Variants in ST18 observed in about 807,000 individuals in gnomAD.
ST18 encodes ST18 C2H2C-type zinc finger transcription factor.
ST18 carries 50 observed loss-of-function variants against 110.0 expected under a neutral mutation model. That is an observed-to-expected ratio of 0.45 (90% CI 0.36 to 0.58). The LOEUF (loss-of-function observed/expected upper bound fraction) is 0.58, where lower values mean the gene tolerates loss of function less well. Among genes scored for constraint, ST18 ranks in the 20% least tolerant of loss-of-function variants. The probability of loss-of-function intolerance (pLI) is 0.00; values close to 1 mark genes in which losing one functional copy is unlikely to be tolerated. For missense variants in ST18, 1,306 were observed against 1,280.1 expected (o/e 1.02, Z -0.31); for synonymous variants, 461 against 452.4 (o/e 1.02, Z -0.24).
chr8:52,168,256 G>GATGCT (rs1187936055), intron 10 of ST18, among the ~76,000 whole-genome samples: 1 of 148,696 alleles, frequency 6.7e-6, no homozygotes, highest in East Asian at 2.0e-4. Flanking sequence ...GAGCACACTA[G>GATGCT]ATGCTGATAG....
chr8:52,327,569 G>GTAGA (rs775833569), intron 2 of ST18, among the ~76,000 whole-genome samples: 17 of 152,168 alleles, frequency 1.1e-4, no homozygotes, highest in Admixed American at 4.6e-4. Context: ...TCATTCTGTG[G>GTAGA]TAGAGCACCA....
At chr8:52,271,800 A>G (rs1285070419) in intron 2 of ST18, among the ~76,000 whole-genome samples, 1 of 152,258 alleles carries the variant, frequency 6.6e-6, no homozygotes, top group African/African-American at 2.4e-5. Context: ...TTTGTGGATT[A>G]CACAGACAAA....
At position 52,313,491 on chromosome 8, in the gene ST18, G is replaced by T. The variant is rs2095961016; in HGVS notation, c.-464-83414C>A. On this transcript the variant is annotated intron_variant, in intron 2 of 25. Coordinates refer to ENST00000689386, the MANE Select transcript of ST18 (RefSeq NM_001352837.2). ...GAAAGCTTATGACAGTATGTCCAAT[G>T]CTGGGCCATTCTGAGTGCCTCTAGA... 3 of 164,358 alleles carry T rather than the reference G, an allele frequency of 1.8e-5. No homozygotes were observed. The South Asian group carries it at 4.8e-4, about 26-fold the overall frequency. 10.2% of individuals were successfully genotyped at this position (164,358 alleles called of 1,614,324 possible). A position where few individuals can be genotyped will look rare whatever the true frequency, so the allele number is the denominator to read the frequency against.
chr8:52,328,715 T>C (rs946168032), intron 2 of ST18, among the ~76,000 whole-genome samples: 1 of 152,186 alleles, frequency 6.6e-6, no homozygotes, highest in African/African-American at 2.4e-5. Flanking sequence ...TGATAATAAT[T>C]TAGAAAATTA....
rs796318325 is a variant in ST18 at position 52,235,193 on chromosome 8, TA to T, written c.-464-5117del. On this transcript the variant is annotated intron_variant, in intron 2 of 25. Coordinates refer to ENST00000689386, the MANE Select transcript of ST18 (RefSeq NM_001352837.2). Reference sequence around the variant, plus strand: ...CTTAAAAATGAATAAAAATAAAAAATAAAAAAAAGAATGCTCCTTAAAGGAA... The same window carrying T: ...CTTAAAAATGAATAAAAATAAAAAATAAAAAAAGAATGCTCCTTAAAGGAA... Among the ~76,000 whole-genome samples, 8 of 151,774 alleles carry T rather than the reference TA, an allele frequency of 5.3e-5. No individual in the cohort carries two copies. The South Asian group carries it at 8.3e-4, about 16-fold the overall frequency.
chr8:52,252,750 T>G (rs548185152), intron 2 of ST18, among the ~76,000 whole-genome samples: 1 of 152,006 alleles, frequency 6.6e-6, no homozygotes, highest in Non-Finnish European at 1.5e-5. Flanking sequence ...TCTATATTAA[T>G]CTAATATTGT....
chr8:52,180,152 G>C lies in ST18; in HGVS notation c.247C>G (p.Pro83Ala), dbSNP rs771085295. ...GTAGAGTGACCATGTGTTTCCAAGGGGCCATCGTCCTCTGTCCTGTCACTG... is the reference window on the plus strand; with the variant it reads ...GTAGAGTGACCATGTGTTTCCAAGGCGCCATCGTCCTCTGTCCTGTCACTG... ...DRSDRTEDDGPLETHGHSTAE... is the reference protein window; with the variant it reads ...DRSDRTEDDGALETHGHSTAE... Residue 83 changes from proline to alanine, a missense_variant, in exon 9 of 26, where the codon CCC (proline) becomes GCC (alanine). Physicochemically the swap from Pro to Ala is conservative, Grantham distance 27. Transcript: ENST00000689386. The C allele has an allele frequency of 6.2e-7, 1 of 1,613,982 alleles. No individual in the cohort carries two copies. The highest frequency in any genetic ancestry group is 1.1e-5 in the South Asian group (1 of 91,056).
chr8:52,187,545 T>C (rs1409762414), intron 8 of ST18, among the ~76,000 whole-genome samples: 1 of 152,226 alleles, frequency 6.6e-6, no homozygotes, highest in Non-Finnish European at 1.5e-5. Context: ...TCTTACTTTG[T>C]AGAGGCCAAT....
intron 3 of ST18, among the ~76,000 whole-genome samples, chr8:52,227,507 C>T (rs932230486): frequency 1.3e-5 from 2 of 152,104 alleles, no homozygotes; most frequent in Admixed American, 1.3e-4. Context: ...AAAGCAATGT[C>T]CCCAAAGACC....
chr8:52,206,041 A>G (rs2079910208), intron 8 of ST18, among the ~76,000 whole-genome samples: 1 of 152,210 alleles, frequency 6.6e-6, no homozygotes. Flanking sequence ...TGCAGCAGAC[A>G]ATATGGCACG....
At position 52,113,021 on chromosome 8, in the gene ST18, T is replaced by C; in HGVS notation, c.*177A>G. On this transcript the variant is annotated 3_prime_UTR_variant, in exon 26 of 26. Coordinates refer to ENST00000689386, the MANE Select transcript of ST18 (RefSeq NM_001352837.2). ...ACTGCATTGCTTTTAATCCAAGAAG[T>C]CTATCATAGTTTTTCTTTCCTTTTT... 1.1e-5 allele frequency: 6 copies of C among 541,750 alleles called. No homozygotes were observed. Among genetic ancestry groups the C allele is most frequent in the Non-Finnish European group, 1.8e-5 (6 of 341,906 alleles). The allele number at this position is 541,750 out of a possible 1,614,324, so 33.6% of individuals were successfully genotyped here.
intron 8 of ST18, among the ~76,000 whole-genome samples, chr8:52,182,548 A>C (rs573669207): frequency 6.6e-6 from 1 of 152,352 alleles, no homozygotes; most frequent in East Asian, 1.9e-4. Context: ...AGACAAATGA[A>C]AGACAAATGC....
At chr8:52,307,309 C>T (rs773561154) in intron 2 of ST18, among the ~76,000 whole-genome samples, 6 of 152,096 alleles carry the variant, frequency 3.9e-5, no homozygotes, top group African/African-American at 4.8e-5. Flanking sequence ...TGTGGTAATG[C>T]GAATAAGATC....
chr8:52,406,563 T>G (rs1462008635), intron 2 of ST18: 2 of 152,188 alleles, frequency 1.3e-5, no homozygotes, highest in Non-Finnish European at 2.9e-5. Flanking sequence ...GAACACATGA[T>G]GTGGGTTGTG....
intron 2 of ST18, among the ~76,000 whole-genome samples, chr8:52,267,525 C>A (rs2094915294): frequency 6.6e-6 from 1 of 151,438 alleles, no homozygotes; most frequent in East Asian, 1.9e-4. Flanking sequence ...TCTACACTCC[C>A]CTTGGAGATT....
intron 2 of ST18, among the ~76,000 whole-genome samples, chr8:52,402,180 T>A (rs2141108094): frequency 6.6e-6 from 1 of 152,278 alleles, no homozygotes; most frequent in South Asian, 2.1e-4. Context: ...CCTGTTGTCA[T>A]TTTCCCCACA....
intron 8 of ST18, among the ~76,000 whole-genome samples, chr8:52,181,713 A>G (rs1162722677): frequency 6.6e-6 from 1 of 152,198 alleles, no homozygotes; most frequent in Non-Finnish European, 1.5e-5. Flanking sequence ...AAACACCACC[A>G]TGATAAGAAG....
Position 52,111,133 on chromosome 8 carries a change from C to G in ST18, c.*2065G>C, listed in dbSNP as rs954660278. The G allele has an allele frequency of 2.3e-5, 9 of 392,920 alleles. No individual in the cohort carries two copies. Among genetic ancestry groups the G allele is most frequent in the Non-Finnish European group, 3.1e-5 (7 of 222,544 alleles). The allele number at this position is 392,920 out of a possible 1,614,324, so 24.3% of individuals were successfully genotyped here. A position where few individuals can be genotyped will look rare whatever the true frequency, so the allele number is the denominator to read the frequency against. The stretch of plus-strand genomic sequence containing the variant: ...CACAAAACATCCTGCTCAAACTATG[C>G]AAACACAAATAAATTAACCTGAAGT... On this transcript the variant is annotated 3_prime_UTR_variant, in exon 26 of 26. Transcript: ENST00000689386.
intron 8 of ST18, among the ~76,000 whole-genome samples, chr8:52,206,081 G>A (rs1667241987): frequency 6.6e-6 from 1 of 152,202 alleles, no homozygotes; most frequent in South Asian, 2.1e-4. Context: ...CTGGACTGGA[G>A]ACGGGACCTG....
Sources: allele counts gnomAD v4.1 joint callset (sites outside exome capture counted in the v4.1 genomes callset), GRCh38; gene constraint gnomAD v4.1.1; transcripts MANE v1.5; gene names NCBI Gene and HGNC (gene_info 2026-07-23, HGNC 2026-07-21).